The following TMEM245 variants were observed in gnomAD, a reference collection of about 807,000 sequenced individuals.
TMEM245 encodes the protein protein CG-2.
Under a neutral mutation model 101.2 loss-of-function variants are expected in TMEM245, and 69 were observed. The ratio of observed to expected loss-of-function variants is 0.68; its 90% CI spans 0.56 to 0.83. The LOEUF (loss-of-function observed/expected upper bound fraction) is 0.83. Ranked by LOEUF, TMEM245 falls within the 40% of genes least tolerant of loss-of-function variation. TMEM245 has a pLI of 0.00. For synonymous variants in TMEM245, 537 were observed against 449.8 expected (o/e 1.19, Z -2.45); for missense variants, 1,075 against 1,092.8 (o/e 0.98, Z 0.23).
At chr9:109,035,452 A>G (rs370271807) in intron 16 of TMEM245, among the ~76,000 whole-genome samples, 1 of 152,216 alleles carries the variant, frequency 6.6e-6, no homozygotes, top group African/African-American at 2.4e-5. Context: ...TTATATGGCT[A>G]AAGTGTTGAT....
Position 109,048,187 on chromosome 9 carries a change from C to T in TMEM245, c.2123+2096G>A, listed in dbSNP as rs577381170. On this transcript the variant is annotated intron_variant, in intron 14 of 17. Transcript: ENST00000374586. ...GAGGACACTATACAGGTGTTAAGAG[C>T]ATTTTTTTTAATCCCACTTGACAGC... 1.1e-3 allele frequency among the ~76,000 whole-genome samples: 161 copies of T among 152,236 alleles called. 1 individual carries two copies. The highest frequency in any genetic ancestry group is 3.6e-3 in the African/African-American group (148 of 41,552).
chr9:109,109,268 G>C (rs1046275962), intron 1 of TMEM245, among the ~76,000 whole-genome samples: 3 of 152,084 alleles, frequency 2.0e-5, no homozygotes, highest in African/African-American at 7.2e-5. Flanking sequence ...TGACCCTAGA[G>C]CTTAAGACGC....
Position 109,017,400 on chromosome 9 carries a change from T to G in TMEM245, c.*3060A>C, listed in dbSNP as rs1194047656. ...CAATAACTAAGACCAGCATGTAAGG[T>G]GGTCTTACAGAGATCACTTGCAGGA... On this transcript the variant is annotated 3_prime_UTR_variant, in exon 18 of 18. Coordinates refer to ENST00000374586, the MANE Select transcript of TMEM245 (RefSeq NM_032012.4). The G allele has an allele frequency of 2.0e-5, 3 of 152,154 alleles. No individual in the cohort carries two copies. Among genetic ancestry groups the G allele is most frequent in the African/African-American group, 7.2e-5 (3 of 41,442 alleles). The allele number at this position is 152,154 out of a possible 1,614,324, so 9.4% of individuals were successfully genotyped here.
rs1554725101 is a variant in TMEM245, at chr9:109,083,916, A to AAAAAAAAAAAAAAAAAAAAAAAAAAAAC, written c.1344+2080_1344+2081insGTTTTTTTTTTTTTTTTTTTTTTTTTTT. Among the ~76,000 whole-genome samples, 22 of 132,572 alleles carry AAAAAAAAAAAAAAAAAAAAAAAAAAAAC rather than the reference A, an allele frequency of 1.7e-4. 1 individual carries two copies. Among genetic ancestry groups the AAAAAAAAAAAAAAAAAAAAAAAAAAAAC allele is most frequent in the East Asian group, 1.5e-3 (6 of 3,926 alleles). The allele number at this position is 132,572 out of a possible 152,430, so 87.0% of individuals were successfully genotyped here. A position where few individuals can be genotyped will look rare whatever the true frequency, so the allele number is the denominator to read the frequency against. On this transcript the variant is annotated intron_variant, in intron 7 of 17. Coordinates refer to ENST00000374586, the MANE Select transcript of TMEM245 (RefSeq NM_032012.4). ...ACTAAAAATACAAAAAAAAAAAAAA[A>AAAAAAAAAAAAAAAAAAAAAAAAAAAAC]AAAAAAAAAAAAACACCAGGCATGG... is the stretch of plus-strand genomic sequence containing the variant.
chr9:109,021,444 A>G (rs1564164600), intron 17 of TMEM245, among the ~76,000 whole-genome samples: 1 of 152,192 alleles, frequency 6.6e-6, no homozygotes, highest in Admixed American at 6.5e-5. Context: ...CTCCTTTACA[A>G]TAAGTCCACA....
intron 5 of TMEM245, among the ~76,000 whole-genome samples, chr9:109,090,635 A>C (rs1401337926): frequency 6.6e-6 from 1 of 151,704 alleles, no homozygotes; most frequent in Admixed American, 6.6e-5. Context: ...GAGGCAGGAG[A>C]ATGGCATGAA....
At chr9:109,052,800 ATTT>A (rs1337417354) in intron 12 of TMEM245, among the ~76,000 whole-genome samples, 2 of 152,158 alleles carry the variant, frequency 1.3e-5, no homozygotes. Context: ...TCATTTTGGA[ATTT>A]TTATTAAAAA....
At chr9:109,100,752 C>A (rs999167624) in intron 3 of TMEM245, among the ~76,000 whole-genome samples, 4 of 152,112 alleles carry the variant, frequency 2.6e-5, no homozygotes, top group Non-Finnish European at 4.4e-5. Flanking sequence ...ATGAAGATAC[C>A]ATCTATCTTA....
At chr9:109,087,369 T>A in intron 5 of TMEM245, 27 bp from the exon 6 acceptor site, 1 of 1,557,764 alleles carries the variant, frequency 6.4e-7, no homozygotes, top group Non-Finnish European at 8.7e-7. Context: ...AATACATATA[T>A]AAACAAAATA....
At position 109,016,635 on chromosome 9, in the gene TMEM245, CAG is replaced by C. The variant is rs1827449454; in HGVS notation, c.*3823_*3824del. The stretch of plus-strand genomic sequence containing the variant: ...TCTTAAACTATCAAAAATAACCAAA[CAG>C]TGGCTGCAGACAGCATGTGTGTTTT... On this transcript the variant is annotated 3_prime_UTR_variant, in exon 18 of 18. Transcript: ENST00000374586. The C allele has an allele frequency of 6.9e-6, 1 of 144,460 alleles. No individual in the cohort carries two copies. The highest frequency in any genetic ancestry group is 2.1e-4 in the East Asian group (1 of 4,850). The allele number at this position is 144,460 out of a possible 1,614,324, so 8.9% of individuals were successfully genotyped here. A position where few individuals can be genotyped will look rare whatever the true frequency, so the allele number is the denominator to read the frequency against.
intron 9 of TMEM245, among the ~76,000 whole-genome samples, chr9:109,068,275 CAGG>C (rs1829229708): frequency 6.6e-6 from 1 of 150,776 alleles, no homozygotes; most frequent in Non-Finnish European, 1.5e-5. Flanking sequence ...GAGGCTGAGG[CAGG>C]AGAATGGCGT....
chr9:109,049,414 T>C (rs12003692), intron 14 of TMEM245, among the ~76,000 whole-genome samples: 4,149 of 152,232 alleles, frequency 0.027, 188 homozygotes, highest in African/African-American at 0.096. Context: ...AAGGTCTCGC[T>C]ATGCTGCCCA....
At chr9:109,096,080 G>A (rs1032845925) in intron 3 of TMEM245, among the ~76,000 whole-genome samples, 2 of 152,204 alleles carry the variant, frequency 1.3e-5, no homozygotes, top group African/African-American at 4.8e-5. Flanking sequence ...TCAAAGAGAC[G>A]AAGGTATCCC....
intron 14 of TMEM245, among the ~76,000 whole-genome samples, chr9:109,049,663 C>A (rs1236420239): frequency 3.3e-5 from 5 of 152,102 alleles, no homozygotes; most frequent in African/African-American, 1.2e-4. Context: ...CTCATCTCTA[C>A]TAAAAATACA....
rs1163099327 is a variant in TMEM245, at chr9:109,084,221, T to C, written c.1344+1776A>G. 2.6e-5 allele frequency among the ~76,000 whole-genome samples: 4 copies of C among 152,288 alleles called. No individual in the cohort carries two copies. In the East Asian group the frequency reaches 7.7e-4, roughly 29 times the overall value. Reference sequence around the variant, plus strand: ...ATTCACTCCACTTGAAATTTCTACATACCAACATTACCCAGTGCTGCAATT... The same window carrying C: ...ATTCACTCCACTTGAAATTTCTACACACCAACATTACCCAGTGCTGCAATT... On this transcript the variant is annotated intron_variant, in intron 7 of 17. Transcript: ENST00000374586.
chr9:109,086,849 C>G (rs558352639), intron 6 of TMEM245, among the ~76,000 whole-genome samples: 6 of 152,228 alleles, frequency 3.9e-5, no homozygotes, highest in African/African-American at 1.4e-4. Flanking sequence ...ATTCACTAAA[C>G]TGAGCCACTA....
intron 4 of TMEM245, among the ~76,000 whole-genome samples, chr9:109,092,312 T>G (rs1830029741): frequency 1.6e-5 from 1 of 61,248 alleles, no homozygotes; most frequent in Non-Finnish European, 3.0e-5. Context: ...CCAAGTGCTG[T>G]ATCATAATTT....
intron 1 of TMEM245, 23 bp downstream of exon 1, chr9:109,119,312 G>T: frequency 1.3e-6 from 2 of 1,518,460 alleles, no homozygotes; most frequent in Non-Finnish European, 1.8e-6. Context: ...GCGGGGGACG[G>T]GGGCGGACTG....
chr9:109,034,674 G>C (rs1396206178), intron 16 of TMEM245, among the ~76,000 whole-genome samples: 1 of 151,982 alleles, frequency 6.6e-6, no homozygotes, highest in Non-Finnish European at 1.5e-5. Context: ...TTGAGCTCCT[G>C]GGCTCAAGTG....
Sources: gnomAD v4.1 joint callset for allele counts (sites outside exome capture counted in the v4.1 genomes callset) on GRCh38, gnomAD v4.1.1 for gene constraint, MANE v1.5 for transcripts, NCBI Gene and HGNC (gene_info 2026-07-23, HGNC 2026-07-21) for gene names.